MTFR1: variants seen among roughly 807,000 people sequenced by gnomAD.
MTFR1 encodes the protein chondrocyte protein with a poly-proline region.
Under a neutral mutation model 38.8 loss-of-function variants are expected in MTFR1, and 28 were observed. The observed-to-expected ratio is 0.72, with a 90% CI of 0.53 to 0.99. MTFR1 has a LOEUF of 0.99. Ranked by LOEUF, MTFR1 falls within the 50% of genes least tolerant of loss-of-function variation. The pLI, the probability that MTFR1 is intolerant of heterozygous loss-of-function variation, is 0.00. For missense variants in MTFR1, 358 were observed against 395.5 expected, an observed-to-expected ratio of 0.91 and a Z score of 0.81; for synonymous variants, 145 against 137.0, an observed-to-expected ratio of 1.06 and a Z score of -0.41.
chr8:65,749,022 T>C (rs1415959034), intron 3 of MTFR1, among the ~76,000 whole-genome samples: 2 of 152,192 alleles, frequency 1.3e-5, no homozygotes, highest in African/African-American at 4.8e-5. Flanking sequence ...GGCTTCACGC[T>C]CCAAGTCTGG....
chr8:65,702,297 C>CTTTTTTTTTT (rs530863447), intron 4 of MTFR1, among the ~76,000 whole-genome samples: 7 of 110,270 alleles, frequency 6.3e-5, no homozygotes, highest in Admixed American at 9.8e-5. Context: ...TTCTTTCTTT[C>CTTTTTTTTTT]TTTTTTTTTT....
chr8:65,737,840 C>A (rs1807216482), intron 3 of MTFR1, among the ~76,000 whole-genome samples: 1 of 152,124 alleles, frequency 6.6e-6, no homozygotes, highest in South Asian at 2.1e-4. Flanking sequence ...TTAAATGTCC[C>A]CACCAGCAAC....
downstream of MTFR1, among the ~76,000 whole-genome samples, chr8:65,711,375 T>TACTTC (rs201470460): frequency 6.6e-6 from 1 of 152,244 alleles, no homozygotes; most frequent in Non-Finnish European, 1.5e-5. Flanking sequence ...ACAAATACTT[T>TACTTC]GAAAAAACCA....
chr8:65,714,184 C>G (rs1806040965), downstream of MTFR1: 2 of 150,150 alleles, frequency 1.3e-5, no homozygotes, highest in Admixed American at 6.7e-5. Flanking sequence ...ATTTTTAATG[C>G]CCCCCTTTAT....
chr8:65,742,295 A>G (rs1302178773), intron 3 of MTFR1, among the ~76,000 whole-genome samples: 1 of 152,214 alleles, frequency 6.6e-6, no homozygotes, highest in Non-Finnish European at 1.5e-5. Flanking sequence ...CCACCCTGAC[A>G]ACGCAGGCCT....
intron 3 of MTFR1, among the ~76,000 whole-genome samples, chr8:65,735,707 C>T (rs540376487): frequency 3.3e-5 from 5 of 152,244 alleles, no homozygotes; most frequent in South Asian, 4.1e-4. Context: ...AACTGTGCAA[C>T]GCCCACCTCC....
At chr8:65,659,023 G>A (rs1489980654) in intron 1 of MTFR1, among the ~76,000 whole-genome samples, 2 of 152,166 alleles carry the variant, frequency 1.3e-5, no homozygotes, top group Admixed American at 6.5e-5. Flanking sequence ...GGGGAGTTCA[G>A]TAGTGAGTGA....
chr8:65,655,115 T>C (rs1039069941), intron 1 of MTFR1, among the ~76,000 whole-genome samples: 1 of 152,238 alleles, frequency 6.6e-6, no homozygotes, highest in African/African-American at 2.4e-5. Flanking sequence ...TTAATTCATC[T>C]GCATGTGGCT....
intron 1 of MTFR1, among the ~76,000 whole-genome samples, chr8:65,669,300 G>C (rs1346813018): frequency 6.6e-6 from 1 of 152,258 alleles, no homozygotes; most frequent in East Asian, 1.9e-4. Flanking sequence ...TTTTCCCAGG[G>C]CCAAGTCTGC....
chr8:65,734,481 C>T (rs1024751462), intron 3 of MTFR1, among the ~76,000 whole-genome samples: 1 of 152,182 alleles, frequency 6.6e-6, no homozygotes, highest in East Asian at 1.9e-4. Context: ...CATTCATTCA[C>T]TGAGTCAGAC....
In MTFR1 at chr8:65,654,882, A is replaced by G. The variant is rs561629557; in HGVS notation, c.-81+10098A>G. On this transcript the variant is annotated intron_variant, in intron 1 of 7. Transcript: ENST00000262146. ...GTGAGCCACCGTGCCTGGCCTGGCA[A>G]TTTTTTATACACATAATATGCAGGG... Among the ~76,000 whole-genome samples the G allele has an allele frequency of 7.9e-5, 12 of 152,122 alleles. No individual in the cohort carries two copies. The South Asian group carries it at 2.5e-3, about 32-fold the overall frequency.
intron 2 of MTFR1, among the ~76,000 whole-genome samples, chr8:65,673,019 A>C (rs751809405): frequency 3.3e-5 from 5 of 152,144 alleles, no homozygotes; most frequent in African/African-American, 4.8e-5. Flanking sequence ...TTTCCTTTGC[A>C]TTCACAACTT....
rs553881324 is a variant in MTFR1 at position 65,699,737 on chromosome 8, C to T, written c.282-4957C>T. Among the ~76,000 whole-genome samples, 9 of 152,364 alleles carry T rather than the reference C, an allele frequency of 5.9e-5. No homozygotes were observed. The South Asian group carries it at 6.2e-4, about 11-fold the overall frequency. ...GCCGCAAGTTAGTCCTGCCTGCTCT[C>T]TGCCATCTTCCCCGAATGGAATCTA... On this transcript the variant is annotated intron_variant, in intron 4 of 7. Transcript: ENST00000262146.
chr8:65,651,073 G>A (rs1480282681), intron 1 of MTFR1, among the ~76,000 whole-genome samples: 8 of 152,154 alleles, frequency 5.3e-5, no homozygotes, highest in Non-Finnish European at 1.0e-4. Flanking sequence ...TAATATACCC[G>A]TTTGCCATTT....
intron 3 of MTFR1, among the ~76,000 whole-genome samples, chr8:65,746,097 AT>A (rs374802114): frequency 4.7e-3 from 667 of 141,214 alleles, no homozygotes; most frequent in African/African-American, 0.012. Context: ...TACCTGGCTA[AT>A]TTTTTTTTTT....
intron 3 of MTFR1, among the ~76,000 whole-genome samples, chr8:65,740,671 AT>A (rs370946992): frequency 1.3e-5 from 2 of 151,996 alleles, no homozygotes; most frequent in African/African-American, 2.4e-5. Context: ...AAGTGCTGGG[AT>A]TTACAGGCGT....
intron 3 of MTFR1, among the ~76,000 whole-genome samples, chr8:65,738,479 G>T (rs1255434845): frequency 6.6e-6 from 1 of 152,188 alleles, no homozygotes; most frequent in Admixed American, 6.5e-5. Context: ...CCTTCCTCAG[G>T]TAGAACCAAC....
chr8:65,724,639 G>A (rs1315812866), intron 3 of MTFR1: 8 of 711,370 alleles, frequency 1.1e-5, no homozygotes, highest in Admixed American at 8.7e-5. Context: ...TGGAAGGAGT[G>A]TGCGCTAATT....
At chr8:65,664,493 G>A (rs1056456023) in intron 1 of MTFR1, among the ~76,000 whole-genome samples, 23 of 152,010 alleles carry the variant, frequency 1.5e-4, no homozygotes, top group Admixed American at 1.3e-3. Flanking sequence ...TTTCTGTCTA[G>A]ATCTAGGTGG....
Sources: gnomAD v4.1 joint callset for allele counts (sites outside exome capture counted in the v4.1 genomes callset) on GRCh38, gnomAD v4.1.1 for gene constraint, MANE v1.5 for transcripts, NCBI Gene and HGNC (gene_info 2026-07-23, HGNC 2026-07-21) for gene names.